Variants in PSMC2 observed in about 807,000 individuals in gnomAD.
PSMC2 encodes 26S proteasome regulatory subunit 7.
Under a neutral mutation model 53.3 loss-of-function variants are expected in PSMC2, and 7 were observed. The observed-to-expected ratio is 0.13, with a 90% CI of 0.07 to 0.25. PSMC2 has a LOEUF of 0.25. Ranked by LOEUF, PSMC2 falls within the 10% of genes least tolerant of loss-of-function variation. PSMC2 has a pLI of 1.00. For missense variants in PSMC2, 241 were observed against 544.0 expected, an observed-to-expected ratio of 0.44 and a Z score of 5.54; for synonymous variants, 169 against 183.9, an observed-to-expected ratio of 0.92 and a Z score of 0.66.
At chr7:103,365,454 A>G (rs1820664950) in intron 8 of PSMC2, among the ~76,000 whole-genome samples, 1 of 152,024 alleles carries the variant, frequency 6.6e-6, no homozygotes, top group South Asian at 2.1e-4. Context: ...CAACATGGAG[A>G]AACCCCGTCT....
chr7:103,368,988 C>A lies in PSMC2; in HGVS notation c.*934C>A, dbSNP rs1322257007. 6.6e-6 allele frequency: 1 copy of A among 152,134 alleles called. No individual in the cohort carries two copies. Among genetic ancestry groups the A allele is most frequent in the Non-Finnish European group, 1.5e-5 (1 of 68,012 alleles). The allele number at this position is 152,134 out of a possible 1,614,324, so 9.4% of individuals were successfully genotyped here. ...CAAATCCTATCTTCTACCACAATTA[C>A]CCCTTCCCCCAATGCCAAGACCAAA... On this transcript the variant is annotated 3_prime_UTR_variant, in exon 12 of 12. Coordinates refer to ENST00000292644, the MANE Select transcript of PSMC2 (RefSeq NM_002803.4).
rs1169609142 is a variant in PSMC2 at position 103,367,404 on chromosome 7, T to C, written c.845-9T>C. 6.2e-7 allele frequency: 1 copy of C among 1,613,082 alleles called. No homozygotes were observed. The highest frequency in any genetic ancestry group is 1.1e-5 in the South Asian group (1 of 91,024). ...CTTGAAGAGCTTATCTTTCCTTTTGTCTTCTCAGGGGCTCGTTTTGATGAT... is the reference window on the plus strand; with the variant it reads ...CTTGAAGAGCTTATCTTTCCTTTTGCCTTCTCAGGGGCTCGTTTTGATGAT... On this transcript the variant is annotated splice_polypyrimidine_tract_variant and intron_variant, in intron 9 of 11. Transcript: ENST00000292644. The surrounding 1 kb of genome is among the most constrained non-coding windows in gnomAD (Gnocchi z 6.1).
intron 4 of PSMC2, among the ~76,000 whole-genome samples, chr7:103,358,803 G>A (rs1820190262): frequency 1.3e-5 from 2 of 151,928 alleles, no homozygotes; most frequent in Admixed American, 1.3e-4. Flanking sequence ...GCAGTTAGAG[G>A]GAAACTTTTC....
intron 7 of PSMC2, among the ~76,000 whole-genome samples, chr7:103,363,850 T>C (rs1341405663): frequency 6.6e-6 from 1 of 152,220 alleles, no homozygotes; most frequent in Non-Finnish European, 1.5e-5. Flanking sequence ...TTAAACACCA[T>C]AATTTTTTTT....
intron 1 of PSMC2, chr7:103,348,477 C>T: frequency 1.8e-6 from 1 of 568,340 alleles, no homozygotes; most frequent in Non-Finnish European, 3.3e-6. Context: ...TCTGCATCTG[C>T]ATAGTATCCT....
intron 3 of PSMC2, 131 bp downstream of exon 3, chr7:103,355,080 G>T: frequency 1.5e-6 from 1 of 680,956 alleles, no homozygotes. Flanking sequence ...TTTCTGTTAA[G>T]AAATTAGATC....
At chr7:103,363,950 TTA>T (rs1461941775) in intron 7 of PSMC2, among the ~76,000 whole-genome samples, 191 bp from the exon 8 acceptor site, 1 of 152,258 alleles carries the variant, frequency 6.6e-6, no homozygotes, top group Non-Finnish European at 1.5e-5. Flanking sequence ...AGTTTAGAAC[TTA>T]TGTCTTAGAA....
intron 5 of PSMC2, 172 bp from the exon 6 acceptor site, chr7:103,362,514 A>G (rs1586165442): frequency 3.5e-6 from 5 of 1,416,006 alleles, no homozygotes; most frequent in Admixed American, 6.0e-5. Flanking sequence ...GACATTAGAC[A>G]TGTAGTTTAG....
rs61733321 is a variant in PSMC2 at position 103,364,205 on chromosome 7, C to T, written c.654C>T (p.Pro218=). 1,448 of 1,614,130 alleles carry T rather than the reference C, an allele frequency of 9.0e-4. 11 individuals are homozygous for T. The African/African-American group carries it at 0.017, about 19-fold the overall frequency. ...AGGGCGTGCTGCTCTTTGGTCCACCCGGTACAGGCAAGACACTCTGTGCGC... is the reference window on the plus strand; with the variant it reads ...AGGGCGTGCTGCTCTTTGGTCCACCTGGTACAGGCAAGACACTCTGTGCGC... ...PPKGVLLFGP[P]GTGKTLCARA... is the part of the protein sequence containing the mutation. Residue 218 remains proline (P), a synonymous_variant, in exon 8 of 12, where the codon CCC becomes CCT. Transcript: ENST00000292644.
At position 103,347,703 on chromosome 7, in the gene PSMC2, G is replaced by T. The variant is rs1554572474; in HGVS notation, c.-9G>T. ...TCATTAAGGAGCGGAGGCTTTTGGA[G>T]CTGCTAAAATGCCGGATTACCTCGG... is the stretch of plus-strand genomic sequence containing the variant. On this transcript the variant is annotated 5_prime_UTR_variant, in exon 1 of 12. Coordinates refer to ENST00000292644, the MANE Select transcript of PSMC2 (RefSeq NM_002803.4). 2 of 1,613,912 alleles carry T rather than the reference G, an allele frequency of 1.2e-6. No homozygotes were observed. Among genetic ancestry groups the T allele is most frequent in the Non-Finnish European group, 1.7e-6 (2 of 1,179,862 alleles).
chr7:103,356,057 C>T (rs1233550929), intron 4 of PSMC2, among the ~76,000 whole-genome samples: 2 of 152,170 alleles, frequency 1.3e-5, no homozygotes, highest in Non-Finnish European at 2.9e-5. Context: ...TACTTGCTTT[C>T]CCGTTGCCCT....
intron 1 of PSMC2, among the ~76,000 whole-genome samples, chr7:103,349,834 A>G (rs551300906): frequency 1.3e-5 from 2 of 152,172 alleles, no homozygotes; most frequent in African/African-American, 2.4e-5. Flanking sequence ...CTATTGACTC[A>G]CTTTGTTTGA....
chr7:103,364,850 G>A (rs952012134), intron 8 of PSMC2, among the ~76,000 whole-genome samples: 1 of 151,506 alleles, frequency 6.6e-6, no homozygotes, highest in East Asian at 1.9e-4. Context: ...GCTTTTCTAC[G>A]GAAATGCCTG....
At position 103,363,399 on chromosome 7, in the gene PSMC2, T is replaced by C; in HGVS notation, c.551T>C (p.Ile184Thr). The change falls in exon 7 of 12, where the codon ATT (isoleucine) becomes ACT (threonine). Residue 184 changes from isoleucine to threonine, a missense_variant. By Grantham distance (89) the Ile-to-Thr change is moderately conservative. Transcript: ENST00000292644. ...GATGTTGGTGGCTGTAAGGAACAGA[T>C]TGAGAAACTGCGAGAAGTAGTTGAA... ...YSDVGGCKEQ[I>T]EKLREVVETP... 2 of 1,614,048 alleles carry C rather than the reference T, an allele frequency of 1.2e-6. No individual in the cohort carries two copies. Among genetic ancestry groups the C allele is most frequent in the Non-Finnish European group, 1.7e-6 (2 of 1,179,908 alleles).
intron 4 of PSMC2, among the ~76,000 whole-genome samples, chr7:103,359,188 G>A (rs2116197163): frequency 8.4e-6 from 1 of 119,600 alleles, no homozygotes; most frequent in Non-Finnish European, 1.6e-5. Context: ...AGTAGAGACA[G>A]GGTCTTGCCA....
At chr7:103,363,527 C>A in intron 7 of PSMC2, 88 bp downstream of exon 7, 3 of 1,171,422 alleles carry the variant, frequency 2.6e-6, no homozygotes, top group Non-Finnish European at 2.5e-6. Context: ...TATTAGATGG[C>A]TTTTAATATT....
chr7:103,352,215 T>TAAAAAA lies in PSMC2; in HGVS notation c.71-1680_71-1675dup, dbSNP rs769618353. The stretch of plus-strand genomic sequence containing the variant: ...TTTCCTACCTCTACTCATACTTAGT[T>TAAAAAA]AAAAAAAAAAAAAAAAAAAAAAAAA... On this transcript the variant is annotated intron_variant, in intron 1 of 11. Transcript: ENST00000292644. Among the ~76,000 whole-genome samples the TAAAAAA allele has an allele frequency of 7.1e-3, 288 of 40,626 alleles. 39 individuals are homozygous for TAAAAAA. The highest frequency in any genetic ancestry group is 0.011 in the Non-Finnish European group (244 of 23,130). 26.7% of individuals were successfully genotyped at this position (40,626 alleles called of 152,430 possible).
At chr7:103,347,631 G>T, upstream of PSMC2, 1 of 1,539,890 alleles carries the variant, frequency 6.5e-7, no homozygotes, top group South Asian at 1.1e-5. Flanking sequence ...TTCCGGTGGG[G>T]AAGGGAAAGG....
chr7:103,347,551 AAGCGTTTCCCCAG>A, upstream of PSMC2: 1 of 720,862 alleles, frequency 1.4e-6, no homozygotes, highest in Admixed American at 2.6e-5. Context: ...CAGCGTGCCA[AAGCGTTTCCCCAG>A]GGCTCTGTCC....
Sources: gnomAD v4.1 joint callset for allele counts (sites outside exome capture counted in the v4.1 genomes callset) on GRCh38, gnomAD v4.1.1 for gene constraint, Gnocchi (gnomAD v3.1) non-coding constraint, MANE v1.5 for transcripts, NCBI Gene and HGNC (gene_info 2026-07-23, HGNC 2026-07-21) for gene names.